The following KCNK2 variants were observed in gnomAD, a reference collection of about 807,000 sequenced individuals.
The protein encoded by KCNK2 is potassium two pore domain channel subfamily K member 2.
KCNK2 carries 21 observed loss-of-function variants against 40.5 expected under a neutral mutation model. The ratio of observed to expected loss-of-function variants is 0.52; its 90% confidence interval spans 0.37 to 0.75. The LOEUF (loss-of-function observed/expected upper bound fraction) is 0.75, where lower values mean the gene tolerates loss of function less well. Ranked by LOEUF, KCNK2 falls within the 30% of genes least tolerant of loss-of-function variation. The probability of loss-of-function intolerance (pLI) is 0.00; values close to 1 mark genes in which losing one functional copy is unlikely to be tolerated. For missense variants in KCNK2, 399 were observed against 531.6 expected, an observed-to-expected ratio of 0.75 and a Z score of 2.45; for synonymous variants, 191 against 202.2, an observed-to-expected ratio of 0.94 and a Z score of 0.47.
chr1:215,180,717 T>G (rs940303417), intron 5 of KCNK2, among the ~76,000 whole-genome samples: 3 of 152,194 alleles, frequency 2.0e-5, no homozygotes, highest in African/African-American at 7.2e-5. Flanking sequence ...AGGTTTGTGC[T>G]GAGAAATCCA....
intron 3 of KCNK2, among the ~76,000 whole-genome samples, chr1:215,150,323 T>C (rs1485780613): frequency 3.3e-5 from 5 of 152,220 alleles, no homozygotes; most frequent in Admixed American, 3.3e-4. Flanking sequence ...GTATTCTATT[T>C]GTTATCTTAT....
intron 2 of KCNK2, among the ~76,000 whole-genome samples, chr1:215,089,091 A>G (rs533968449): frequency 2.6e-5 from 4 of 152,330 alleles, no homozygotes; most frequent in South Asian, 2.1e-4. Context: ...ATAATCATAT[A>G]TTAGAATTAC....
intron 5 of KCNK2, among the ~76,000 whole-genome samples, chr1:215,188,289 A>G (rs994715923): frequency 6.6e-6 from 1 of 151,904 alleles, no homozygotes; most frequent in Admixed American, 6.6e-5. Flanking sequence ...CCCAGGTAAA[A>G]TTTTTCCTCT....
intron 2 of KCNK2, among the ~76,000 whole-genome samples, chr1:215,089,458 T>A (rs1287807258): frequency 6.6e-6 from 1 of 152,144 alleles, no homozygotes; most frequent in Non-Finnish European, 1.5e-5. Context: ...TCAGGTGCAG[T>A]TAGTCTAATC....
At position 215,083,204 on chromosome 1, in the gene KCNK2, G is replaced by GGCC; in HGVS notation, c.-182_-181insGCC. 1.8e-5 allele frequency: 5 copies of GGCC among 273,534 alleles called. No homozygotes were observed. The highest frequency in any genetic ancestry group is 4.5e-5 in the African/African-American group (1 of 22,154). 16.9% of individuals were successfully genotyped at this position (273,534 alleles called of 1,614,324 possible). A position where few individuals can be genotyped will look rare whatever the true frequency, so the allele number is the denominator to read the frequency against. On this transcript the variant is annotated 5_prime_UTR_variant, in exon 1 of 7. Transcript: ENST00000444842. ...CGTTTCTTCTCACGCTCCCCCCCCC[G>GGCC]CCCCCTCCCGCGTCCAGCCCCGCTC...
intron 3 of KCNK2, among the ~76,000 whole-genome samples, chr1:215,137,803 C>T (rs1478837521): frequency 6.6e-6 from 1 of 152,132 alleles, no homozygotes; most frequent in African/African-American, 2.4e-5. Flanking sequence ...TAAAATTTCT[C>T]ATTTTTAAAT....
chr1:215,179,524 C>G (rs935108888), intron 5 of KCNK2, among the ~76,000 whole-genome samples: 2 of 152,046 alleles, frequency 1.3e-5, no homozygotes, highest in South Asian at 2.1e-4. Context: ...AAACTTCTCT[C>G]TTAACACTGC....
chr1:215,203,012 C>T (rs960363750), intron 6 of KCNK2, among the ~76,000 whole-genome samples: 1 of 152,034 alleles, frequency 6.6e-6, no homozygotes, highest in African/African-American at 2.4e-5. Context: ...CCCTCCTTCC[C>T]TTCCCTCTTC....
chr1:215,220,662 G>A (rs981559438), intron 6 of KCNK2, among the ~76,000 whole-genome samples: 4 of 152,212 alleles, frequency 2.6e-5, no homozygotes, highest in Non-Finnish European at 5.9e-5. Flanking sequence ...CCATGTTTTA[G>A]TGGACTGGTC....
chr1:215,119,095 A>T (rs539588542), intron 2 of KCNK2, among the ~76,000 whole-genome samples: 1 of 152,138 alleles, frequency 6.6e-6, no homozygotes, highest in Non-Finnish European at 1.5e-5. Flanking sequence ...CTTTTCCAAA[A>T]TTGCTAAATT....
At chr1:215,187,086 C>T (rs1333304902) in intron 5 of KCNK2, among the ~76,000 whole-genome samples, 1 of 152,132 alleles carries the variant, frequency 6.6e-6, no homozygotes, top group Non-Finnish European at 1.5e-5. Context: ...CCTCTTGCCT[C>T]AGCCTCCCAA....
chr1:215,188,763 C>A (rs758092412), intron 5 of KCNK2, among the ~76,000 whole-genome samples: 1 of 152,034 alleles, frequency 6.6e-6, no homozygotes, highest in Non-Finnish European at 1.5e-5. Flanking sequence ...AAGGAAAGTA[C>A]CTGATAAAGA....
intron 5 of KCNK2, among the ~76,000 whole-genome samples, chr1:215,174,311 T>A (rs939789904): frequency 1.3e-5 from 2 of 152,208 alleles, no homozygotes; most frequent in Non-Finnish European, 2.9e-5. Flanking sequence ...GAGGGCTCTG[T>A]TCTGTTTCAT....
At chr1:215,047,430 C>T (rs989107770) in intron 1 of KCNK2, among the ~76,000 whole-genome samples, 1 of 151,946 alleles carries the variant, frequency 6.6e-6, no homozygotes, top group Non-Finnish European at 1.5e-5. Flanking sequence ...ACTGAAGTTT[C>T]GAGAGATTAA....
intron 4 of KCNK2, 97 bp from the exon 5 acceptor site, chr1:215,171,900 A>T: frequency 1.2e-6 from 1 of 830,188 alleles, no homozygotes; most frequent in Non-Finnish European, 1.7e-6. Flanking sequence ...TATACAAGTA[A>T]TTTCTCTCTC....
chr1:215,223,262 A>G (rs1029916345), intron 6 of KCNK2, among the ~76,000 whole-genome samples: 1 of 138,876 alleles, frequency 7.2e-6, no homozygotes, highest in Admixed American at 7.2e-5. Flanking sequence ...AAAAAAAAAA[A>G]GTCAAAACTC....
chr1:215,158,428 T>A (rs140325064), intron 3 of KCNK2, among the ~76,000 whole-genome samples: 2 of 152,318 alleles, frequency 1.3e-5, no homozygotes, highest in East Asian at 3.9e-4. Flanking sequence ...CAGTGATTGA[T>A]GTAAACTTGG....
chr1:215,103,140 T>C (rs934571646), intron 2 of KCNK2, among the ~76,000 whole-genome samples: 5 of 151,918 alleles, frequency 3.3e-5, no homozygotes, highest in Non-Finnish European at 7.4e-5. Flanking sequence ...CTTAGGGTGA[T>C]GAGACAGGTA....
At chr1:215,113,947 T>G (rs1660813193) in intron 2 of KCNK2, among the ~76,000 whole-genome samples, 1 of 152,004 alleles carries the variant, frequency 6.6e-6, no homozygotes, top group Non-Finnish European at 1.5e-5. Flanking sequence ...GTGAGTGAGG[T>G]TCAAGTGTAG....
Sources: gnomAD v4.1 joint callset for allele counts (sites outside exome capture counted in the v4.1 genomes callset) on GRCh38, gnomAD v4.1.1 for gene constraint, MANE v1.5 for transcripts, NCBI Gene and HGNC (gene_info 2026-07-23, HGNC 2026-07-21) for gene names.